Variants in RSRC1 observed in about 807,000 individuals in gnomAD.
RSRC1 encodes arginine and serine rich coiled-coil 1, also known as serine/Arginine-related protein 53.
RSRC1 carries 39 observed loss-of-function variants against 49.1 expected under a neutral mutation model. That is an observed-to-expected ratio of 0.79 (90% CI 0.61 to 1.04). RSRC1 has a LOEUF of 1.04. RSRC1 is among the 50% of genes least tolerant of loss of function. The pLI, the probability that RSRC1 is intolerant of heterozygous loss-of-function variation, is 0.00. For synonymous variants in RSRC1, 143 were observed against 130.8 expected (o/e 1.09, Z -0.63); for missense variants, 388 against 402.4 (o/e 0.96, Z 0.31).
intron 7 of RSRC1, among the ~76,000 whole-genome samples, chr3:158,510,140 A>G (rs1050640401): frequency 6.6e-6 from 1 of 152,188 alleles, no homozygotes; most frequent in African/African-American, 2.4e-5. Context: ...TTTCATTGCC[A>G]TAGTGTGATG....
intron 6 of RSRC1, among the ~76,000 whole-genome samples, chr3:158,458,179 A>G (rs1320489568): frequency 6.6e-6 from 1 of 151,956 alleles, no homozygotes; most frequent in Non-Finnish European, 1.5e-5. Flanking sequence ...GTAGGAAATG[A>G]AAATGGACAC....
intron 6 of RSRC1, among the ~76,000 whole-genome samples, chr3:158,369,911 C>T (rs1391854732): frequency 6.6e-6 from 1 of 151,966 alleles, no homozygotes; most frequent in Non-Finnish European, 1.5e-5. Flanking sequence ...AAAAGACATA[C>T]AATAGAAAGT....
At chr3:158,358,803 T>C (rs1731304960) in intron 6 of RSRC1, among the ~76,000 whole-genome samples, 1 of 152,064 alleles carries the variant, frequency 6.6e-6, no homozygotes, top group Non-Finnish European at 1.5e-5. Flanking sequence ...TCTCCCTCTG[T>C]CTCCGTTTGT....
At chr3:158,114,483 CT>C (rs571395701) in intron 1 of RSRC1, among the ~76,000 whole-genome samples, 1 of 151,938 alleles carries the variant, frequency 6.6e-6, no homozygotes, top group African/African-American at 2.4e-5. Flanking sequence ...TATATGGGCT[CT>C]TTTTTGGTTC....
chr3:158,326,935 A>G (rs1433571550), intron 5 of RSRC1, among the ~76,000 whole-genome samples: 3 of 152,156 alleles, frequency 2.0e-5, no homozygotes, highest in Non-Finnish European at 2.9e-5. Context: ...CAGGGATTCA[A>G]GTTCTTACTG....
At chr3:158,199,772 T>C (rs1720920013) in intron 3 of RSRC1, among the ~76,000 whole-genome samples, 1 of 152,192 alleles carries the variant, frequency 6.6e-6, no homozygotes, top group Non-Finnish European at 1.5e-5. Context: ...ACTTTACTCA[T>C]GGATTATTTA....
chr3:158,235,352 C>T (rs890539362), intron 4 of RSRC1, among the ~76,000 whole-genome samples: 1 of 152,026 alleles, frequency 6.6e-6, no homozygotes, highest in Non-Finnish European at 1.5e-5. Flanking sequence ...GCCAGTAGTA[C>T]AAGGGATGCC....
intron 4 of RSRC1, among the ~76,000 whole-genome samples, chr3:158,272,193 A>C (rs983546782): frequency 1.4e-4 from 22 of 152,144 alleles, no homozygotes; most frequent in African/African-American, 5.1e-4. Context: ...TTTTCCCTGC[A>C]CAACTTTTTG....
At chr3:158,295,633 G>T (rs1028271623) in intron 4 of RSRC1, among the ~76,000 whole-genome samples, 2 of 152,036 alleles carry the variant, frequency 1.3e-5, no homozygotes, top group African/African-American at 4.8e-5. Context: ...AGGGCCCTAT[G>T]GTTGATTACA....
intron 7 of RSRC1, among the ~76,000 whole-genome samples, chr3:158,485,127 A>G (rs771582080): frequency 6.6e-6 from 1 of 152,052 alleles, no homozygotes; most frequent in Non-Finnish European, 1.5e-5. Context: ...GATTCCAGAA[A>G]GATTCTAATT....
chr3:158,154,706 G>A (rs1193847882), intron 3 of RSRC1, among the ~76,000 whole-genome samples: 4 of 151,952 alleles, frequency 2.6e-5, no homozygotes, highest in Admixed American at 6.6e-5. Flanking sequence ...CTCATGATCC[G>A]CCCACCTCTG....
chr3:158,184,225 T>C (rs2108256545), intron 3 of RSRC1, among the ~76,000 whole-genome samples: 1 of 152,106 alleles, frequency 6.6e-6, no homozygotes, highest in Middle Eastern at 3.4e-3. Context: ...AACAAAACCT[T>C]AAAGACATAG....
chr3:158,183,057 A>G (rs1247437917), intron 3 of RSRC1, among the ~76,000 whole-genome samples: 1 of 152,042 alleles, frequency 6.6e-6, no homozygotes, highest in Non-Finnish European at 1.5e-5. Flanking sequence ...ACTCCTTCCA[A>G]TATTTCCCTT....
intron 4 of RSRC1, among the ~76,000 whole-genome samples, chr3:158,226,625 C>T (rs1460331628): frequency 6.6e-6 from 1 of 151,850 alleles, no homozygotes; most frequent in African/African-American, 2.4e-5. Context: ...CACAGTGACT[C>T]CATGGTAAAG....
At chr3:158,346,904 T>C (rs1195781225) in intron 5 of RSRC1, among the ~76,000 whole-genome samples, 1 of 152,210 alleles carries the variant, frequency 6.6e-6, no homozygotes, top group Non-Finnish European at 1.5e-5. Context: ...TTAGGGTATA[T>C]CCTTACAGTG....
intron 3 of RSRC1, among the ~76,000 whole-genome samples, chr3:158,194,241 TC>T (rs1225149516): frequency 1.3e-5 from 2 of 151,178 alleles, no homozygotes; most frequent in African/African-American, 4.9e-5. Flanking sequence ...CCTGCTGCAC[TC>T]CAGCCTGGCT....
At chr3:158,284,759 A>AT (rs1726409302) in intron 4 of RSRC1, among the ~76,000 whole-genome samples, 1 of 151,676 alleles carries the variant, frequency 6.6e-6, no homozygotes, top group Admixed American at 6.6e-5. Context: ...TTTCTTGTGA[A>AT]TTTGTTTGAG....
At chr3:158,270,151 TCAAA>T (rs150626250) in intron 4 of RSRC1, among the ~76,000 whole-genome samples, 2,403 of 152,228 alleles carry the variant, frequency 0.016, 80 homozygotes, top group African/African-American at 0.055. Context: ...GTGCTATTCC[TCAAA>T]CACTCTTCAT....
At chr3:158,493,211 G>A (rs1739160446) in intron 7 of RSRC1, among the ~76,000 whole-genome samples, 1 of 152,186 alleles carries the variant, frequency 6.6e-6, no homozygotes, top group Non-Finnish European at 1.5e-5. Flanking sequence ...AGTTGAAGCA[G>A]TAGGTCATTG....
Sources: gnomAD v4.1 joint callset for allele counts (sites outside exome capture counted in the v4.1 genomes callset) on GRCh38, gnomAD v4.1.1 for gene constraint, MANE v1.5 for transcripts, NCBI Gene and HGNC (gene_info 2026-07-23, HGNC 2026-07-21) for gene names.